FBLN2: variants seen among roughly 807,000 people sequenced by gnomAD.
FBLN2 encodes fibulin 2.
In FBLN2, 81 loss-of-function variants were observed where a neutral mutation model predicts 123.7. The ratio of observed to expected loss-of-function variants is 0.65; its 90% CI spans 0.55 to 0.79. FBLN2 has a LOEUF of 0.79. FBLN2 is among the 30% of genes least tolerant of loss of function. The pLI is 0.00. For missense variants in FBLN2, 1,603 were observed against 1,681.3 expected (o/e 0.95, Z 0.81); for synonymous variants, 699 against 701.4 (o/e 1.00, Z 0.05).
chr3:13,580,640 C>T (rs1383556472), intron 2 of FBLN2, among the ~76,000 whole-genome samples: 1 of 152,216 alleles, frequency 6.6e-6, no homozygotes, highest in African/African-American at 2.4e-5. Context: ...CCACCCACCT[C>T]GTCTGATGGT....
At chr3:13,590,931 G>T (rs1704654595) in intron 2 of FBLN2, among the ~76,000 whole-genome samples, 1 of 152,226 alleles carries the variant, frequency 6.6e-6, no homozygotes. Flanking sequence ...ACATACTGAG[G>T]ACTGGAGTTG....
rs540161932 is a variant in FBLN2 at position 13,621,040 on chromosome 3, G to A, written c.2156-735G>A. Among the ~76,000 whole-genome samples, 16 of 152,332 alleles carry A rather than the reference G, an allele frequency of 1.1e-4. No individual in the cohort carries two copies. In the South Asian group the frequency reaches 3.3e-3, roughly 32 times the overall value. On this transcript the variant is annotated intron_variant, in intron 8 of 17. Transcript: ENST00000404922. ...AAGAGCTGCATCTTTTCTGGGGCAG[G>A]CCTCCTTTGGGCCCAGCCCTGTGAG...
chr3:13,564,745 G>A (rs1559399434), intron 1 of FBLN2, among the ~76,000 whole-genome samples: 1 of 152,250 alleles, frequency 6.6e-6, no homozygotes, highest in Non-Finnish European at 1.5e-5. Flanking sequence ...CACTGGGGAT[G>A]TCCCCCCAGG....
intron 16 of FBLN2, among the ~76,000 whole-genome samples, chr3:13,636,044 G>A (rs1437751214): frequency 2.0e-5 from 3 of 152,192 alleles, no homozygotes; most frequent in East Asian, 3.9e-4. Context: ...TGGGGATAGC[G>A]TTCCAGCAGC....
chr3:13,595,325 C>T (rs1230394859), intron 2 of FBLN2, among the ~76,000 whole-genome samples: 2 of 152,154 alleles, frequency 1.3e-5, no homozygotes, highest in Non-Finnish European at 2.9e-5. Flanking sequence ...GGAAGGCATC[C>T]CTCAGGCTGA....
At chr3:13,629,483 C>T (rs1197438261) in intron 13 of FBLN2, among the ~76,000 whole-genome samples, 191 bp downstream of exon 13, 10 of 152,134 alleles carry the variant, frequency 6.6e-5, no homozygotes, top group African/African-American at 2.4e-4. Flanking sequence ...GCCCCCGCCC[C>T]CACCTTCTCA....
intron 5 of FBLN2, among the ~76,000 whole-genome samples, chr3:13,614,492 C>G (rs1262565631): frequency 6.6e-6 from 1 of 152,046 alleles, no homozygotes; most frequent in Non-Finnish European, 1.5e-5. Context: ...TTGCACTTGT[C>G]TCCCACCCAT....
In FBLN2 at chr3:13,549,157, G is replaced by A. The variant is rs1253832061; in HGVS notation, c.-93G>A. 1.0e-6 allele frequency: 1 copy of A among 982,636 alleles called. No individual in the cohort carries two copies. Among genetic ancestry groups the A allele is most frequent in the Admixed American group, 6.2e-5 (1 of 16,044 alleles). 60.9% of individuals were successfully genotyped at this position (982,636 alleles called of 1,614,324 possible). Reference sequence around the variant, plus strand: ...GCCAGGGGCCGCCCGGGCTCTCGACGCGCCGACGGCCGGGCGGACGGACGG... The same window carrying A: ...GCCAGGGGCCGCCCGGGCTCTCGACACGCCGACGGCCGGGCGGACGGACGG... On this transcript the variant is annotated 5_prime_UTR_variant, in exon 1 of 18. Transcript: ENST00000404922.
intron 2 of FBLN2, among the ~76,000 whole-genome samples, chr3:13,572,832 G>A (rs745677670): frequency 2.6e-5 from 4 of 152,216 alleles, no homozygotes; most frequent in Non-Finnish European, 4.4e-5. Context: ...CTTACTTTAG[G>A]AGCCTTGAAC....
intron 2 of FBLN2, among the ~76,000 whole-genome samples, chr3:13,585,823 T>G (rs112995066): frequency 6.6e-6 from 1 of 152,258 alleles, no homozygotes; most frequent in South Asian, 2.1e-4. Flanking sequence ...ACAAAAAGCC[T>G]AGCACGTGTA....
rs1267624487 is a variant in FBLN2, at chr3:13,608,153, C to T, written c.1398C>T (p.Gly466=). Residue 466 remains glycine (G), a synonymous_variant, in exon 3 of 18, where the codon GGC becomes GGT. Transcript: ENST00000404922. ...AGTGCCTGGAGATCCCTGAGAGTGG[C>T]ACTGAGGACAACGTCTGCAGGTAGG... ...NDECLEIPES[G]TEDNVCRTAQ... The T allele has an allele frequency of 1.9e-6, 3 of 1,591,628 alleles. No individual in the cohort carries two copies. Among genetic ancestry groups the T allele is most frequent in the African/African-American group, 2.7e-5 (2 of 74,566 alleles).
At position 13,570,658 on chromosome 3, in the gene FBLN2, A is replaced by G. The variant is rs2124823228; in HGVS notation, c.303A>G (p.Pro101=). Residue 101 remains proline, a synonymous_variant, in exon 2 of 18, where the codon CCA becomes CCG. Coordinates refer to ENST00000404922, the MANE Select transcript of FBLN2 (RefSeq NM_001004019.2). ...TCGGGAGCACTGAGTGCTCCTGCCCACCAGGCGGCGGCAAGATCAGCTGCC... is the reference window on the plus strand; with the variant it reads ...TCGGGAGCACTGAGTGCTCCTGCCCGCCAGGCGGCGGCAAGATCAGCTGCC... ...VDFGSTECSC[P]PGGGKISCQF... is the part of the protein sequence containing the mutation. 2.5e-6 allele frequency: 4 copies of G among 1,583,610 alleles called. No homozygotes were observed. The East Asian group carries it at 9.2e-5, about 37-fold the overall frequency.
intron 9 of FBLN2, among the ~76,000 whole-genome samples, chr3:13,623,187 G>A (rs773029877): frequency 1.3e-5 from 2 of 152,194 alleles, no homozygotes; most frequent in African/African-American, 4.8e-5. Context: ...GCCAGCAGCC[G>A]GCCAGCTCTT....
chr3:13,596,958 G>T (rs544790226), intron 2 of FBLN2, among the ~76,000 whole-genome samples: 3 of 150,726 alleles, frequency 2.0e-5, no homozygotes, highest in South Asian at 4.2e-4. Flanking sequence ...TTTAGATAAG[G>T]TCTTGCTCTG....
At chr3:13,611,604 A>G (rs1301657133) in intron 4 of FBLN2, among the ~76,000 whole-genome samples, 12 of 152,202 alleles carry the variant, frequency 7.9e-5, no homozygotes. Context: ...AGCAAATGTA[A>G]GTGTTTCCTT....
chr3:13,600,017 C>CAGAGAGAGAGAGAGAGAG (rs113759892), intron 2 of FBLN2, among the ~76,000 whole-genome samples: 2 of 137,290 alleles, frequency 1.5e-5, no homozygotes, highest in African/African-American at 2.9e-5. Flanking sequence ...AAAAACACGA[C>CAGAGAGAGAGAGAGAGAG]AGAGAGAGAG....
intron 4 of FBLN2, 178 bp from the exon 5 acceptor site, chr3:13,613,806 C>T: frequency 1.7e-6 from 1 of 593,152 alleles, no homozygotes; most frequent in Non-Finnish European, 2.9e-6. Context: ...TTACATTAGT[C>T]CTACCTGTGC....
chr3:13,622,315 C>T (rs1705881975), intron 9 of FBLN2, among the ~76,000 whole-genome samples: 1 of 152,188 alleles, frequency 6.6e-6, no homozygotes, highest in Admixed American at 6.5e-5. Flanking sequence ...CTCGTCTTCC[C>T]CCAGCTGTGG....
At chr3:13,582,156 C>T (rs748151926) in intron 2 of FBLN2, among the ~76,000 whole-genome samples, 20 of 152,166 alleles carry the variant, frequency 1.3e-4, no homozygotes, top group African/African-American at 4.6e-4. Flanking sequence ...GCTGGCGTCC[C>T]GGATGCTGTG....
Sources: gnomAD v4.1 joint callset for allele counts (sites outside exome capture counted in the v4.1 genomes callset) on GRCh38, gnomAD v4.1.1 for gene constraint, MANE v1.5 for transcripts, NCBI Gene and HGNC (gene_info 2026-07-23, HGNC 2026-07-21) for gene names.